Variants in TENM4 observed in about 807,000 individuals in gnomAD.
TENM4 encodes teneurin transmembrane protein 4, also known as teneurin-4.
A neutral mutation model predicts 243.3 loss-of-function variants in TENM4; 82 were observed. That is an observed-to-expected ratio of 0.34 (90% confidence interval 0.28 to 0.40). TENM4 has a LOEUF of 0.40. Among genes scored for constraint, TENM4 ranks in the 10% least tolerant of loss-of-function variants. The pLI, the probability that TENM4 is intolerant of heterozygous loss-of-function variation, is 1.00. For missense variants in TENM4, 3,138 were observed against 3,673.3 expected, an observed-to-expected ratio of 0.85 and a Z score of 3.77; for synonymous variants, 1,412 against 1,456.3, an observed-to-expected ratio of 0.97 and a Z score of 0.69.
chr11:78,746,040 C>T (rs981000057), intron 19 of TENM4, among the ~76,000 whole-genome samples: 1 of 152,176 alleles, frequency 6.6e-6, no homozygotes, highest in African/African-American at 2.4e-5. Flanking sequence ...GCAACCTCTA[C>T]CTCCAGGGTT....
chr11:78,816,883 A>T (rs1432611220), intron 12 of TENM4, among the ~76,000 whole-genome samples: 1 of 152,194 alleles, frequency 6.6e-6, no homozygotes, highest in Non-Finnish European at 1.5e-5. Flanking sequence ...GCCTGGAGGT[A>T]AGAAAACCTA....
chr11:79,109,136 T>G (rs924503474), intron 4 of TENM4, among the ~76,000 whole-genome samples: 1 of 152,220 alleles, frequency 6.6e-6, no homozygotes, highest in African/African-American at 2.4e-5. Context: ...AGCAGGGACA[T>G]GCGACACTTC....
At chr11:79,300,332 A>G (rs1182185990) in intron 1 of TENM4, among the ~76,000 whole-genome samples, 1 of 152,158 alleles carries the variant, frequency 6.6e-6, no homozygotes, top group Non-Finnish European at 1.5e-5. Context: ...GCTAATTTTA[A>G]TCTCTCTTTA....
intron 2 of TENM4, among the ~76,000 whole-genome samples, chr11:79,242,753 C>T (rs1676045408): frequency 6.6e-6 from 1 of 152,168 alleles, no homozygotes. Flanking sequence ...AGTGAACACC[C>T]GTGTGGATTC....
chr11:79,192,750 A>C (rs1161647546), intron 3 of TENM4, among the ~76,000 whole-genome samples: 1 of 147,604 alleles, frequency 6.8e-6, no homozygotes, highest in East Asian at 2.2e-4. Context: ...ATCAATAAAA[A>C]AAAAATAAAA....
At chr11:78,968,422 G>A (rs991336344) in intron 6 of TENM4, among the ~76,000 whole-genome samples, 1 of 152,202 alleles carries the variant, frequency 6.6e-6, no homozygotes, top group African/African-American at 2.4e-5. Flanking sequence ...GTAGCTGGGA[G>A]CACAGGTGTG....
At chr11:78,773,312 C>T (rs145231276) in intron 17 of TENM4, among the ~76,000 whole-genome samples, 165 of 152,262 alleles carry the variant, frequency 1.1e-3, no homozygotes, top group Admixed American at 1.8e-3. Flanking sequence ...CTGTATGACT[C>T]AGGCATGTTA....
intron 20 of TENM4, among the ~76,000 whole-genome samples, chr11:78,733,381 C>A (rs970995026): frequency 2.0e-5 from 3 of 152,176 alleles, no homozygotes; most frequent in Non-Finnish European, 4.4e-5. Flanking sequence ...CAATGTGACA[C>A]CAAATGGGTT....
Position 78,729,596 on chromosome 11 carries a change from G to C in TENM4, c.3186C>G (p.Ser1062Arg). The change falls in exon 22 of 34, where the codon AGC (serine) becomes AGG (arginine). Residue 1062 changes from serine to arginine, a missense_variant. By Grantham distance (110) the Ser-to-Arg change is moderately radical. Coordinates refer to ENST00000278550, the MANE Select transcript of TENM4 (RefSeq NM_001098816.3). Reference protein sequence around the residue: ...ISISGCKMRLSYLSSRTPGYK... With the variant: ...ISISGCKMRLRYLSSRTPGYK... ...AGCCAGGGGTCCGGCTGCTCAGGTA[G>C]CTCAGCCTCATCTTGCAGCCAGAGA... The C allele has an allele frequency of 6.2e-7, 1 of 1,613,628 alleles. No individual in the cohort carries two copies.
intron 6 of TENM4, among the ~76,000 whole-genome samples, chr11:78,988,503 T>C (rs954672119): frequency 1.3e-5 from 2 of 152,218 alleles, no homozygotes; most frequent in African/African-American, 4.8e-5. Context: ...TTGAATTCAA[T>C]GGTAAGCAGC....
intron 12 of TENM4, among the ~76,000 whole-genome samples, chr11:78,844,338 T>C (rs567668564): frequency 6.6e-6 from 1 of 152,260 alleles, no homozygotes; most frequent in Admixed American, 6.5e-5. Flanking sequence ...TGATAGGACT[T>C]ATGTCCTTAT....
chr11:78,732,362 A>G lies in TENM4; in HGVS notation c.3092T>C (p.Phe1031Ser). 6.2e-7 allele frequency: 1 copy of G among 1,613,746 alleles called. No individual in the cohort carries two copies. Among genetic ancestry groups the G allele is most frequent in the Non-Finnish European group, 8.5e-7 (1 of 1,179,690 alleles). Residue 1031 changes from phenylalanine (F) to serine (S), a missense_variant, in exon 21 of 34, where the codon TTC becomes TCC. Physicochemically the swap from Phe to Ser is radical, Grantham distance 155 (BLOSUM62 -2). Transcript: ENST00000278550. ...GCCTTTCTCTGCACAGGAGCTGGCGAAGGACGTCAGTGGGGATGGAGAGAC... is the reference window on the plus strand; with the variant it reads ...GCCTTTCTCTGCACAGGAGCTGGCGGAGGACGTCAGTGGGGATGGAGAGAC... ...PVVSPSPLTS[F>S]ASSCAEKGPI...
rs554577221 is a variant in TENM4, at chr11:78,772,243, C to T, written c.2393-1105G>A. On this transcript the variant is annotated intron_variant, in intron 17 of 33. Coordinates refer to ENST00000278550, the MANE Select transcript of TENM4 (RefSeq NM_001098816.3). ...TGATTGCCACATCTTTAAACCTCTCCGAGTTTGTGGCTCAGAAATCTACGT... is the reference window on the plus strand; with the variant it reads ...TGATTGCCACATCTTTAAACCTCTCTGAGTTTGTGGCTCAGAAATCTACGT... 7.2e-5 allele frequency among the ~76,000 whole-genome samples: 11 copies of T among 152,238 alleles called. No homozygotes were observed. In the East Asian group the frequency reaches 1.2e-3, roughly 16 times the overall value.
intron 2 of TENM4, among the ~76,000 whole-genome samples, chr11:79,219,225 C>T (rs976499284): frequency 2.6e-5 from 4 of 152,160 alleles, no homozygotes; most frequent in South Asian, 4.1e-4. Flanking sequence ...GAGCAAGTGT[C>T]GAGCTCAGCT....
At chr11:78,975,916 G>C (rs1280071021) in intron 6 of TENM4, among the ~76,000 whole-genome samples, 1 of 152,114 alleles carries the variant, frequency 6.6e-6, no homozygotes, top group Non-Finnish European at 1.5e-5. Flanking sequence ...CCTTGAAAGT[G>C]TGAAGACTTC....
At chr11:78,671,689 TC>T (rs1433062273) in intron 31 of TENM4, among the ~76,000 whole-genome samples, 2 of 152,212 alleles carry the variant, frequency 1.3e-5, no homozygotes, top group Admixed American at 6.5e-5. Flanking sequence ...TGCCTGGTTC[TC>T]CACAACTGGA....
intron 9 of TENM4, among the ~76,000 whole-genome samples, chr11:78,867,339 T>C (rs765665027): frequency 2.0e-5 from 3 of 152,148 alleles, no homozygotes; most frequent in Non-Finnish European, 4.4e-5. Context: ...CTCCCACAAA[T>C]GAGTGAGAAT....
At position 78,807,619 on chromosome 11, in the gene TENM4, A is replaced by G. The variant is rs140542449; in HGVS notation, c.1979-2127T>C. 8.1e-4 allele frequency among the ~76,000 whole-genome samples: 123 copies of G among 152,294 alleles called. 1 individual carries two copies. Among genetic ancestry groups the G allele is most frequent in the African/African-American group, 2.9e-3 (119 of 41,580 alleles). On this transcript the variant is annotated intron_variant, in intron 14 of 33. Transcript: ENST00000278550. ...TCTCTACCAAAAAGTTGTTAGGTCT[A>G]TCTTTCTCTTTAGGGAGGTAGGGAT...
intron 6 of TENM4, among the ~76,000 whole-genome samples, chr11:79,017,935 G>T (rs937243422): frequency 9.9e-5 from 15 of 152,130 alleles, no homozygotes; most frequent in Non-Finnish European, 1.5e-4. Context: ...TTTTACACTG[G>T]GTTCCACAAA....
Sources: allele counts gnomAD v4.1 joint callset (sites outside exome capture counted in the v4.1 genomes callset), GRCh38; gene constraint gnomAD v4.1.1; transcripts MANE v1.5; gene names NCBI Gene and HGNC (gene_info 2026-07-23, HGNC 2026-07-21).